The following FHIP2B variants were observed in gnomAD, a reference collection of about 807,000 sequenced individuals.
FHIP2B encodes FHF complex subunit HOOK-interacting protein 2B.
A neutral mutation model predicts 84.0 loss-of-function variants in FHIP2B; 72 were observed. The ratio of observed to expected loss-of-function variants is 0.86; its 90% CI spans 0.71 to 1.04. The LOEUF is 1.04. Among genes scored for constraint, FHIP2B ranks in the 50% least tolerant of loss-of-function variants. The probability of loss-of-function intolerance (pLI) is 0.00; values close to 1 mark genes in which losing one functional copy is unlikely to be tolerated. For synonymous variants in FHIP2B, 497 were observed against 418.7 expected, an observed-to-expected ratio of 1.19 and a Z score of -2.28; for missense variants, 972 against 968.9, an observed-to-expected ratio of 1.00 and a Z score of -0.04.
chr8:22,098,928 T>G lies in FHIP2B; in HGVS notation c.966-20T>G, dbSNP rs1307416600. On this transcript the variant is annotated intron_variant, in intron 7 of 16. Transcript: ENST00000289921. ...AGCTCCTTCTCCACTCTCTGAGACTTCACTCCCCTCTTCCTTCAGGTTACC... is the reference window on the plus strand; with the variant it reads ...AGCTCCTTCTCCACTCTCTGAGACTGCACTCCCCTCTTCCTTCAGGTTACC... 6.3e-7 allele frequency: 1 copy of G among 1,576,836 alleles called. No individual in the cohort carries two copies. Among genetic ancestry groups the G allele is most frequent in the Non-Finnish European group, 8.6e-7 (1 of 1,156,302 alleles).
rs200188247 is a variant in FHIP2B at position 22,101,829 on chromosome 8, G to A, written c.1829G>A (p.Arg610His). 48 of 1,613,314 alleles carry A rather than the reference G, an allele frequency of 3.0e-5. No homozygotes were observed. The East Asian group carries it at 5.1e-4, about 17-fold the overall frequency. ...CACTTCCTCCGAGTGCTGTTTGACCGCATGTCCCGGATTCTGGATCAGGTA... is the reference window on the plus strand; with the variant it reads ...CACTTCCTCCGAGTGCTGTTTGACCACATGTCCCGGATTCTGGATCAGGTA... Reference protein sequence around the residue: ...EGHFLRVLFDRMSRILDQPYS... With the variant: ...EGHFLRVLFDHMSRILDQPYS... Residue 610 changes from arginine (R) to histidine (H), a missense_variant, in exon 14 of 17, where the codon CGC becomes CAC. Physicochemically the swap from Arg to His is conservative, Grantham distance 29 (BLOSUM62 0). Transcript: ENST00000289921.
At chr8:22,102,054 A>G (rs1826149636) in intron 14 of FHIP2B, 121 bp from the exon 15 acceptor site, 1 of 1,566,946 alleles carries the variant, frequency 6.4e-7, no homozygotes. Context: ...CATGACACAC[A>G]CACATCACGT....
chr8:22,090,270 C>T (rs1339846929), intron 1 of FHIP2B, among the ~76,000 whole-genome samples: 1 of 152,104 alleles, frequency 6.6e-6, no homozygotes, highest in Non-Finnish European at 1.5e-5. Context: ...ATCAGATTTT[C>T]TCAGGAGAGA....
At chr8:22,094,618 C>A (rs767266342) in intron 2 of FHIP2B, 100 bp downstream of exon 2, 8 of 1,573,224 alleles carry the variant, frequency 5.1e-6, no homozygotes, top group Non-Finnish European at 6.9e-6. Context: ...AGGTAACCTG[C>A]CCAGTCGTTC....
At chr8:22,093,731 T>G (rs1233337549) in intron 1 of FHIP2B, among the ~76,000 whole-genome samples, 2 of 119,610 alleles carry the variant, frequency 1.7e-5, no homozygotes, top group Non-Finnish European at 3.7e-5. Context: ...TTTTTTTTTT[T>G]TTTGAGATAG....
intron 9 of FHIP2B, 103 bp downstream of exon 9, chr8:22,099,463 TC>T: frequency 7.7e-7 from 1 of 1,304,922 alleles, no homozygotes; most frequent in South Asian, 1.4e-5. Flanking sequence ...TTGACCAGAA[TC>T]CCATTTGTGG....
At chr8:22,089,831 T>C in intron 1 of FHIP2B, 1 of 1,284,896 alleles carries the variant, frequency 7.8e-7, no homozygotes. Flanking sequence ...GTGCAGGCCC[T>C]GCCGGTCCAA....
chr8:22,096,180 C>A (rs1003752246), intron 2 of FHIP2B, 157 bp from the exon 3 acceptor site: 1 of 666,780 alleles, frequency 1.5e-6, no homozygotes, highest in Non-Finnish European at 2.5e-6. Flanking sequence ...TTGAAGCATT[C>A]ACTGTAAACT....
At position 22,097,737 on chromosome 8, in the gene FHIP2B, G is replaced by C. The variant is rs758824667; in HGVS notation, c.423G>C (p.Gly141=). Residue 141 remains glycine, a synonymous_variant, in exon 5 of 17, where the codon GGG becomes GGC. Coordinates refer to ENST00000289921, the MANE Select transcript of FHIP2B (RefSeq NM_022749.7). ...TCCAGAAACTCCTCCGACTTGGTGG[G>C]ACTGCTTCCGGATCCGTTACAGAAA... is the stretch of plus-strand genomic sequence containing the variant. The part of the protein sequence containing the change: ...RPVQKLLRLG[G]TASGSVTEKE... The C allele has an allele frequency of 1.2e-6, 2 of 1,613,218 alleles. No individual in the cohort carries two copies. The highest frequency in any genetic ancestry group is 1.7e-6 in the Non-Finnish European group (2 of 1,179,764).
rs1400591044 is a variant in FHIP2B at position 22,096,479 on chromosome 8, G to A, written c.267G>A (p.Leu89=). The change falls in exon 3 of 17, where the codon CTG becomes CTA. Residue 89 remains leucine, a synonymous_variant. Transcript: ENST00000289921. ...CLEYLLQHKI[L]ETLCTLGKAE... is the part of the protein sequence containing the mutation. ...AGTACCTGCTGCAGCACAAGATCCT[G>A]GAGACTCTCTGCACGCTGGGCAAGG... 2 of 1,552,966 alleles carry A rather than the reference G, an allele frequency of 1.3e-6. No individual in the cohort carries two copies. Among genetic ancestry groups the A allele is most frequent in the Admixed American group, 3.9e-5 (2 of 51,208 alleles).
rs769973334 is a variant in FHIP2B at position 22,100,948 on chromosome 8, C to T, written c.1592C>T (p.Thr531Ile). The T allele has an allele frequency of 1.2e-6, 2 of 1,613,802 alleles. No individual in the cohort carries two copies. Among genetic ancestry groups the T allele is most frequent in the African/African-American group, 1.3e-5 (1 of 74,924 alleles). ...CCTGCTACCAGTTACGATGGCAAAA[C>T]AGCAGTGACCGAGATCGTCAACAGG... ...LAPATSYDGK[T>I]AVTEIVNSFL... Residue 531 changes from threonine to isoleucine, a missense_variant, in exon 12 of 17, where the codon ACA becomes ATA. By Grantham distance (89) the Thr-to-Ile change is moderately conservative. Transcript: ENST00000289921.
At chr8:22,100,355 G>T (rs997480171) in intron 10 of FHIP2B, 2 of 446,854 alleles carry the variant, frequency 4.5e-6, no homozygotes, top group African/African-American at 2.0e-5. Context: ...AAGGCACGGA[G>T]AAGCGAATTG....
In FHIP2B at chr8:22,103,071, C is replaced by A; in HGVS notation, c.*140C>A. On this transcript the variant is annotated 3_prime_UTR_variant, in exon 17 of 17. Coordinates refer to ENST00000289921, the MANE Select transcript of FHIP2B (RefSeq NM_022749.7). Reference sequence around the variant, plus strand: ...CTCAAGGAGACTGCGGCATGTTGACCACACCAGACTGGGTTTCAGGGAATG... The same window carrying A: ...CTCAAGGAGACTGCGGCATGTTGACAACACCAGACTGGGTTTCAGGGAATG... 2 of 1,123,058 alleles carry A rather than the reference C, an allele frequency of 1.8e-6. No homozygotes were observed. Among genetic ancestry groups the A allele is most frequent in the Non-Finnish European group, 2.5e-6 (2 of 809,142 alleles). 69.6% of individuals were successfully genotyped at this position (1,123,058 alleles called of 1,614,324 possible).
rs1473154814 is a variant in FHIP2B at position 22,096,671 on chromosome 8, G to T, written c.297+162G>T. ...GGGCGGTGGGCAGTGGGCAGCCTGG[G>T]GCTCCCTGGATTCCAGGCCTTTCTG... is the stretch of plus-strand genomic sequence containing the variant. On this transcript the variant is annotated intron_variant, in intron 3 of 16. Transcript: ENST00000289921. 3 of 1,006,056 alleles carry T rather than the reference G, an allele frequency of 3.0e-6. No individual in the cohort carries two copies. In the African/African-American group the frequency reaches 5.0e-5, roughly 17 times the overall value. 62.3% of individuals were successfully genotyped at this position (1,006,056 alleles called of 1,614,324 possible).
chr8:22,102,102 C>A, intron 14 of FHIP2B, 73 bp from the exon 15 acceptor site: 1 of 1,609,918 alleles, frequency 6.2e-7, no homozygotes, highest in Admixed American at 1.7e-5. Context: ...AGTGGCCAGG[C>A]ACCTTGCTGG....
Position 22,094,498 on chromosome 8 carries a change from A to T in FHIP2B, c.104A>T (p.His35Leu). The T allele has an allele frequency of 6.2e-7, 1 of 1,611,542 alleles. No homozygotes were observed. The highest frequency in any genetic ancestry group is 2.2e-5 in the East Asian group (1 of 44,516). ...GTGGAGCACTGGAAGGGCATCACGC[A>T]CTACTACATCGAGAGCACAGGTGCG... ...AFVEHWKGIT[H>L]YYIESTDEST... Residue 35 changes from histidine to leucine, a missense_variant, in exon 2 of 17, where the codon CAC becomes CTC. Coordinates refer to ENST00000289921, the MANE Select transcript of FHIP2B (RefSeq NM_022749.7).
rs1826297977 is a variant in FHIP2B, at chr8:22,104,648, G to A, written c.*1717G>A. ...CTGCCCACCCCGGAGACACCATGAG[G>A]GAATGGACCACGTGGGAGCATCTGT... On this transcript the variant is annotated 3_prime_UTR_variant, in exon 17 of 17. Coordinates refer to ENST00000289921, the MANE Select transcript of FHIP2B (RefSeq NM_022749.7). 1 of 152,142 alleles carries A rather than the reference G, an allele frequency of 6.6e-6. No homozygotes were observed. The highest frequency in any genetic ancestry group is 2.4e-5 in the African/African-American group (1 of 41,414). 9.4% of individuals were successfully genotyped at this position (152,142 alleles called of 1,614,324 possible).
intron 3 of FHIP2B, among the ~76,000 whole-genome samples, chr8:22,097,204 C>T (rs1444056354): frequency 1.3e-5 from 2 of 152,142 alleles, no homozygotes; most frequent in African/African-American, 2.4e-5. Flanking sequence ...GGGAAGCAGG[C>T]CTGTGAGAAC....
intron 1 of FHIP2B, among the ~76,000 whole-genome samples, chr8:22,090,478 T>C (rs959339240): frequency 3.3e-5 from 5 of 152,144 alleles, no homozygotes; most frequent in Non-Finnish European, 5.9e-5. Context: ...AAAATGATTT[T>C]TCTTCCCCTT....
Sources: allele counts gnomAD v4.1 joint callset (sites outside exome capture counted in the v4.1 genomes callset), GRCh38; gene constraint gnomAD v4.1.1; transcripts MANE v1.5; gene names NCBI Gene and HGNC (gene_info 2026-07-23, HGNC 2026-07-21).